CEP55: variants seen among roughly 807,000 people sequenced by gnomAD.
CEP55 encodes centrosomal protein 55, also known as centrosomal protein of 55 kDa.
Under a neutral mutation model 63.2 loss-of-function variants are expected in CEP55, and 57 were observed. The ratio of observed to expected loss-of-function variants is 0.90; its 90% CI spans 0.73 to 1.13. CEP55 has a LOEUF of 1.13. Among genes scored for constraint, CEP55 ranks in the 50% most tolerant of loss-of-function variants. The pLI is 0.00. For missense variants in CEP55, 456 were observed against 518.9 expected (o/e 0.88, Z 1.18); for synonymous variants, 178 against 191.6 (o/e 0.93, Z 0.59).
rs745503526 is a variant in CEP55, at chr10:93,515,542, G to A, written c.666G>A (p.Lys222=). ...AAHSLPQQTK[K]PESEGYLQEE... ...ATTCACTCCCACAGCAGACAAAAAA[G>A]CCTGAATCAGAAGGTACTGACTGGT... Residue 222 remains lysine (K), a synonymous_variant, in exon 5 of 9, where the codon AAG becomes AAA. Coordinates refer to ENST00000371485, the MANE Select transcript of CEP55 (RefSeq NM_018131.5). The A allele has an allele frequency of 1.2e-6, 2 of 1,613,024 alleles. No homozygotes were observed. Among genetic ancestry groups the A allele is most frequent in the East Asian group, 2.2e-5 (1 of 44,850 alleles).
intron 8 of CEP55, among the ~76,000 whole-genome samples, chr10:93,527,138 C>T (rs1201609069): frequency 6.6e-6 from 1 of 152,194 alleles, no homozygotes; most frequent in South Asian, 2.1e-4. Flanking sequence ...TATCCACCCT[C>T]TTCACTGTGC....
chr10:93,510,373 C>T (rs1016223223), intron 4 of CEP55, among the ~76,000 whole-genome samples: 6 of 152,112 alleles, frequency 3.9e-5, no homozygotes, highest in African/African-American at 1.4e-4. Flanking sequence ...AGAAAAGTTA[C>T]AAGAATGAGT....
intron 1 of CEP55, among the ~76,000 whole-genome samples, chr10:93,497,367 G>A (rs1424595059): frequency 6.6e-6 from 1 of 152,180 alleles, no homozygotes; most frequent in African/African-American, 2.4e-5. Flanking sequence ...CTGGGTTCAA[G>A]CGATTCTCCT....
intron 6 of CEP55, 115 bp downstream of exon 6, chr10:93,517,363 G>A (rs2057815857): frequency 1.4e-6 from 1 of 730,096 alleles, no homozygotes; most frequent in Non-Finnish European, 2.2e-6. Context: ...GCCCCTCATG[G>A]GAGTTATATT....
intron 3 of CEP55, among the ~76,000 whole-genome samples, chr10:93,506,434 A>C (rs1382375040): frequency 1.3e-5 from 2 of 152,202 alleles, no homozygotes; most frequent in East Asian, 3.9e-4. Context: ...AGGACTGCAG[A>C]AGTCAGATTA....
At chr10:93,525,701 A>G (rs2057914965) in intron 8 of CEP55, among the ~76,000 whole-genome samples, 1 of 152,008 alleles carries the variant, frequency 6.6e-6, no homozygotes, top group South Asian at 2.1e-4. Flanking sequence ...ACAAGGCTAC[A>G]GTAACCAAAA....
intron 8 of CEP55, among the ~76,000 whole-genome samples, chr10:93,525,463 C>T (rs1194921608): frequency 6.6e-6 from 1 of 152,192 alleles, no homozygotes; most frequent in East Asian, 1.9e-4. Flanking sequence ...AAGAACATTC[C>T]ATGCTCATGG....
intron 2 of CEP55, among the ~76,000 whole-genome samples, chr10:93,501,116 G>T (rs1276281526): frequency 6.6e-6 from 1 of 152,116 alleles, no homozygotes; most frequent in East Asian, 1.9e-4. Flanking sequence ...ATAGTGTTCA[G>T]ATTTCCTTAT....
Position 93,528,262 on chromosome 10 carries a change from C to A in CEP55, c.*109C>A. On this transcript the variant is annotated 3_prime_UTR_variant, in exon 9 of 9. Transcript: ENST00000371485. ...CATTTTGCATAAAACTGCCTATCTACCTTTGACACTCCAGCATGCTAGTGA... is the reference window on the plus strand; with the variant it reads ...CATTTTGCATAAAACTGCCTATCTAACTTTGACACTCCAGCATGCTAGTGA... 1 of 848,374 alleles carries A rather than the reference C, an allele frequency of 1.2e-6. No homozygotes were observed. The highest frequency in any genetic ancestry group is 1.7e-5 in the South Asian group (1 of 60,028). 52.6% of individuals were successfully genotyped at this position (848,374 alleles called of 1,614,324 possible). A position where few individuals can be genotyped will look rare whatever the true frequency, so the allele number is the denominator to read the frequency against.
chr10:93,506,888 G>A (rs1486844293), intron 3 of CEP55, 100 bp from the exon 4 acceptor site: 4 of 821,638 alleles, frequency 4.9e-6, no homozygotes, highest in African/African-American at 3.4e-5. Flanking sequence ...TCTGGATTTC[G>A]GGATGCCCCC....
At chr10:93,522,285 C>T (rs566187059) in intron 8 of CEP55, among the ~76,000 whole-genome samples, 14 of 152,202 alleles carry the variant, frequency 9.2e-5, no homozygotes, top group African/African-American at 1.9e-4. Context: ...AACAACATGA[C>T]GAATGCACAA....
At chr10:93,516,821 T>C (rs2057808000) in intron 5 of CEP55, 114 bp from the exon 6 acceptor site, 1 of 754,636 alleles carries the variant, frequency 1.3e-6, no homozygotes, top group Admixed American at 3.1e-5. Context: ...CTCTTGACTT[T>C]TCATGTTGTA....
At chr10:93,513,146 TA>T (rs1380518430) in intron 4 of CEP55, among the ~76,000 whole-genome samples, 2 of 152,194 alleles carry the variant, frequency 1.3e-5, no homozygotes, top group Admixed American at 6.5e-5. Context: ...TTAAGCCATG[TA>T]AAGAGGACTA....
chr10:93,523,599 T>C (rs2057887320), intron 8 of CEP55, among the ~76,000 whole-genome samples: 1 of 152,170 alleles, frequency 6.6e-6, no homozygotes. Flanking sequence ...CTAATAGACA[T>C]CTACAGAACT....
intron 5 of CEP55, among the ~76,000 whole-genome samples, chr10:93,515,987 G>T (rs1276121766): frequency 6.6e-6 from 1 of 152,168 alleles, no homozygotes; most frequent in African/African-American, 2.4e-5. Flanking sequence ...GAATTGAGAT[G>T]AAATTTCTCA....
intron 3 of CEP55, among the ~76,000 whole-genome samples, chr10:93,506,268 C>CACA (rs2057687810): frequency 6.6e-6 from 1 of 152,168 alleles, no homozygotes; most frequent in African/African-American, 2.4e-5. Context: ...TAATACAAAA[C>CACA]ATGATTCTAG....
intron 1 of CEP55, among the ~76,000 whole-genome samples, chr10:93,497,299 T>C (rs1052040943): frequency 6.6e-6 from 1 of 152,160 alleles, no homozygotes; most frequent in African/African-American, 2.4e-5. Flanking sequence ...GGAGTCTCGC[T>C]CTGTCACCAA....
rs540410874 is a variant in CEP55, at chr10:93,526,751, G to A, written c.1192-1199G>A. The stretch of plus-strand genomic sequence containing the variant: ...CATATACACCATGGAATACTATGCA[G>A]CCATAAAAATGATGAGTTCATGTCC... On this transcript the variant is annotated intron_variant, in intron 8 of 8. Transcript: ENST00000371485. 5.8e-3 allele frequency among the ~76,000 whole-genome samples: 888 copies of A among 152,316 alleles called. 6 individuals are homozygous for A. Among genetic ancestry groups the A allele is most frequent in the Middle Eastern group, 0.017 (5 of 294 alleles).
At chr10:93,505,059 G>T (rs1028138869) in intron 3 of CEP55, among the ~76,000 whole-genome samples, 1 of 152,158 alleles carries the variant, frequency 6.6e-6, no homozygotes, top group Non-Finnish European at 1.5e-5. Flanking sequence ...TGATCCGCCT[G>T]CCTCAGCCTC....
Sources: allele counts gnomAD v4.1 joint callset (sites outside exome capture counted in the v4.1 genomes callset), GRCh38; gene constraint gnomAD v4.1.1; transcripts MANE v1.5; gene names NCBI Gene and HGNC (gene_info 2026-07-23, HGNC 2026-07-21).